The following HEMK2 variants were observed in gnomAD, a reference collection of about 807,000 sequenced individuals.
HEMK2 encodes methyltransferase HEMK2.
chr21:28,646,647 G>T, the HEMK2 span, among the ~76,000 whole-genome samples: 1 of 152,200 alleles, frequency 6.6e-6, no homozygotes. Context: ...CAGTCAGGTG[G>T]CAGCTGGATT....
chr21:28,612,988 T>C, the HEMK2 span, among the ~76,000 whole-genome samples: 2 of 152,172 alleles, frequency 1.3e-5, no homozygotes, highest in Non-Finnish European at 2.9e-5. Context: ...AGAATCAATA[T>C]TGTGAAAATG....
chr21:28,801,681 CAGCTT>C, the HEMK2 span, among the ~76,000 whole-genome samples: 1 of 151,956 alleles, frequency 6.6e-6, no homozygotes, highest in Non-Finnish European at 1.5e-5. Flanking sequence ...TATAAACAGA[CAGCTT>C]AGAGAAAAAG....
At chr21:28,801,288 G>T in the HEMK2 span, among the ~76,000 whole-genome samples, 43 of 152,258 alleles carry the variant, frequency 2.8e-4, no homozygotes, top group Admixed American at 5.2e-4. Flanking sequence ...CAACTAGAAA[G>T]AATAAAATAA....
the HEMK2 span, among the ~76,000 whole-genome samples, chr21:28,763,968 G>A: frequency 6.6e-6 from 1 of 151,910 alleles, no homozygotes; most frequent in Non-Finnish European, 1.5e-5. Context: ...CCTGGGATAG[G>A]AGCAGGCACA....
At chr21:28,848,748 T>C in the HEMK2 span, among the ~76,000 whole-genome samples, 1 of 152,210 alleles carries the variant, frequency 6.6e-6, no homozygotes, top group Non-Finnish European at 1.5e-5. Flanking sequence ...ATTCAACAAC[T>C]GAAAATCTAA....
chr21:28,757,146 C>T, the HEMK2 span, among the ~76,000 whole-genome samples: 21,145 of 152,068 alleles, frequency 0.14, 1,629 homozygotes, highest in African/African-American at 0.19. Flanking sequence ...TCAAATTATG[C>T]CAGCACACTC....
chr21:28,880,440 G>A, the HEMK2 span, among the ~76,000 whole-genome samples: 1 of 152,094 alleles, frequency 6.6e-6, no homozygotes, highest in African/African-American at 2.4e-5. Flanking sequence ...AAACATTAAA[G>A]AAATTTTTAG....
chr21:28,804,763 C>T, the HEMK2 span, among the ~76,000 whole-genome samples: 9,020 of 152,196 alleles, frequency 0.059, 353 homozygotes, highest in Middle Eastern at 0.092. Flanking sequence ...TAACATTAGA[C>T]GGGCCACATG....
At chr21:28,794,052 A>G in the HEMK2 span, among the ~76,000 whole-genome samples, 1 of 152,212 alleles carries the variant, frequency 6.6e-6, no homozygotes, top group East Asian at 1.9e-4. Context: ...AGCAGACTTA[A>G]GAAAGTAGTA....
the HEMK2 span, among the ~76,000 whole-genome samples, chr21:28,646,438 C>T: frequency 6.6e-6 from 1 of 152,178 alleles, no homozygotes; most frequent in Admixed American, 6.5e-5. Flanking sequence ...GGGGGAAGAA[C>T]ATTGACCTTG....
At chr21:28,607,088 C>G in the HEMK2 span, among the ~76,000 whole-genome samples, 1 of 152,170 alleles carries the variant, frequency 6.6e-6, no homozygotes, top group African/African-American at 2.4e-5. Context: ...GAGGCTTAGT[C>G]AATTTTTAAT....
chr21:28,812,811 T>C, the HEMK2 span, among the ~76,000 whole-genome samples: 4 of 152,328 alleles, frequency 2.6e-5, no homozygotes, highest in East Asian at 7.7e-4. Flanking sequence ...CTCAGTTTCA[T>C]AACTTGTTAT....
chr21:28,761,708 T>C, the HEMK2 span, among the ~76,000 whole-genome samples: 62 of 151,904 alleles, frequency 4.1e-4, no homozygotes, highest in African/African-American at 1.4e-3. Flanking sequence ...TCCTCCCCCA[T>C]TTGCCACATA....
At chr21:28,753,335 C>A in the HEMK2 span, among the ~76,000 whole-genome samples, 2 of 138,632 alleles carry the variant, frequency 1.4e-5, no homozygotes, top group Admixed American at 1.6e-4. Context: ...CCAGCCTGGG[C>A]AACACAGTGA....
the HEMK2 span, among the ~76,000 whole-genome samples, chr21:28,643,447 G>A: frequency 2.1e-5 from 3 of 143,810 alleles, no homozygotes; most frequent in East Asian, 2.3e-4. Context: ...AGAGACTGAG[G>A]GGGGAGGATT....
the HEMK2 span, among the ~76,000 whole-genome samples, chr21:28,855,432 G>A: frequency 7.2e-5 from 11 of 152,246 alleles, no homozygotes; most frequent in South Asian, 1.0e-3. Flanking sequence ...ATACCCTACC[G>A]ACAGTATTAG....
chr21:28,817,974 T>C, the HEMK2 span, among the ~76,000 whole-genome samples: 1 of 152,162 alleles, frequency 6.6e-6, no homozygotes, highest in Non-Finnish European at 1.5e-5. Context: ...CATCTGCACA[T>C]ACAGATAGTG....
At chr21:28,609,681 G>C in the HEMK2 span, among the ~76,000 whole-genome samples, 1 of 150,242 alleles carries the variant, frequency 6.7e-6, no homozygotes, top group Admixed American at 6.6e-5. Context: ...GATATGAATG[G>C]AAAAATCTCC....
At chr21:28,883,610 T>C in the HEMK2 span, among the ~76,000 whole-genome samples, 2 of 152,162 alleles carry the variant, frequency 1.3e-5, no homozygotes, top group Non-Finnish European at 2.9e-5. Context: ...ATTGGGAAAA[T>C]AGTATCTGAT....
Sources: gnomAD v4.1 joint callset for allele counts (sites outside exome capture counted in the v4.1 genomes callset) on GRCh38, gnomAD v4.1.1 for gene constraint, MANE v1.5 for transcripts, NCBI Gene and HGNC (gene_info 2026-07-23, HGNC 2026-07-21) for gene names.